SNTG1: variants seen among roughly 807,000 people sequenced by gnomAD.
SNTG1 encodes syntrophin gamma 1.
A neutral mutation model predicts 74.7 loss-of-function variants in SNTG1; 39 were observed. The observed-to-expected ratio is 0.52, with a 90% CI of 0.40 to 0.68. SNTG1 has a LOEUF of 0.68. Among genes scored for constraint, SNTG1 ranks in the 30% least tolerant of loss-of-function variants. The probability of loss-of-function intolerance (pLI) is 0.00; values close to 1 mark genes in which losing one functional copy is unlikely to be tolerated. For missense variants in SNTG1, 685 were observed against 609.5 expected, an observed-to-expected ratio of 1.12 and a Z score of -1.30; for synonymous variants, 254 against 217.1, an observed-to-expected ratio of 1.17 and a Z score of -1.49.
chr8:50,150,726 T>C (rs548207539), intron 1 of SNTG1, among the ~76,000 whole-genome samples: 49 of 151,768 alleles, frequency 3.2e-4, no homozygotes, highest in African/African-American at 1.1e-3. Context: ...AACCAGCCTG[T>C]ATGTTGAACC....
At chr8:50,613,778 A>G (rs1261136113) in intron 13 of SNTG1, among the ~76,000 whole-genome samples, 1 of 152,152 alleles carries the variant, frequency 6.6e-6, no homozygotes, top group Non-Finnish European at 1.5e-5. Flanking sequence ...ATTACATGTA[A>G]TAGAAAAATG....
chr8:50,458,174 C>A (rs2093525166), intron 8 of SNTG1: 2 of 144,250 alleles, frequency 1.4e-5, no homozygotes, highest in South Asian at 2.3e-4. Context: ...GAAAATCAAC[C>A]ACATCAAAGG....
intron 8 of SNTG1, among the ~76,000 whole-genome samples, chr8:50,465,078 A>G (rs947163472): frequency 1.3e-5 from 2 of 152,224 alleles, no homozygotes; most frequent in South Asian, 4.1e-4. Flanking sequence ...GTGTGCTTGT[A>G]TCTATTCATA....
At chr8:50,645,142 T>G (rs1185968716) in intron 13 of SNTG1, among the ~76,000 whole-genome samples, 1 of 4,128 alleles carries the variant, frequency 2.4e-4, no homozygotes, top group Non-Finnish European at 4.1e-4. Flanking sequence ...TATAGAAACA[T>G]GTTTATTTTA....
chr8:50,285,246 C>A (rs932000931), intron 2 of SNTG1, among the ~76,000 whole-genome samples: 2 of 152,128 alleles, frequency 1.3e-5, no homozygotes, highest in African/African-American at 4.8e-5. Context: ...GCAGCCAATC[C>A]TGTATCTGCC....
intron 1 of SNTG1, among the ~76,000 whole-genome samples, chr8:50,036,106 A>C (rs1585993249): frequency 6.6e-6 from 1 of 152,236 alleles, no homozygotes; most frequent in Non-Finnish European, 1.5e-5. Flanking sequence ...AAAATGTGCA[A>C]CTATAAGAAT....
chr8:50,685,973 T>C (rs2095350834), intron 15 of SNTG1, among the ~76,000 whole-genome samples: 1 of 152,180 alleles, frequency 6.6e-6, no homozygotes, highest in African/African-American at 2.4e-5. Context: ...TGTTCTTGGG[T>C]GCACGGGTAC....
At chr8:50,442,680 T>TAAA (rs5891365) in intron 5 of SNTG1, among the ~76,000 whole-genome samples, 4 of 81,196 alleles carry the variant, frequency 4.9e-5, no homozygotes, top group African/African-American at 1.5e-4. Flanking sequence ...TGTCTATCAG[T>TAAA]AAAAAAAAAA....
intron 2 of SNTG1, among the ~76,000 whole-genome samples, chr8:50,278,956 T>G (rs766697910): frequency 6.6e-6 from 1 of 152,142 alleles, no homozygotes; most frequent in Non-Finnish European, 1.5e-5. Flanking sequence ...CATTTTGATA[T>G]TGTCATTGTT....
chr8:49,977,174 T>C (rs1812269825), intron 1 of SNTG1, among the ~76,000 whole-genome samples: 1 of 151,906 alleles, frequency 6.6e-6, no homozygotes, highest in African/African-American at 2.4e-5. Flanking sequence ...GAATGACAAG[T>C]CCTCTCAGCA....
intron 1 of SNTG1, among the ~76,000 whole-genome samples, chr8:50,110,581 G>T (rs532109249): frequency 1.3e-5 from 2 of 152,174 alleles, no homozygotes; most frequent in Non-Finnish European, 2.9e-5. Context: ...AAGCCTGGAA[G>T]AGCAAGGGGC....
Position 50,792,691 on chromosome 8 carries a change from A to G in SNTG1, c.1416A>G (p.Leu472=), listed in dbSNP as rs762076374. ...IEAKELEFSN[L]FAVLHCIHSF... ...TTCAGGAGTTGGAATTTTCTAATTT[A>G]TTTGCTGTTCTTCACTGCATTCATT... The change falls in exon 19 of 19, where the codon TTA becomes TTG. Residue 472 remains leucine (L), a synonymous_variant. Coordinates refer to ENST00000642720, the MANE Select transcript of SNTG1 (RefSeq NM_018967.5). 6.2e-7 allele frequency: 1 copy of G among 1,609,600 alleles called. No individual in the cohort carries two copies. The highest frequency in any genetic ancestry group is 8.5e-7 in the Non-Finnish European group (1 of 1,177,574).
chr8:49,941,548 T>C (rs1808690466), intron 1 of SNTG1, among the ~76,000 whole-genome samples: 1 of 148,050 alleles, frequency 6.8e-6, no homozygotes, highest in Non-Finnish European at 1.5e-5. Flanking sequence ...TATATATATA[T>C]GCATATTTGA....
At chr8:50,164,092 C>CTTTTTTTTTTTTTTTTTTTT (rs3086088) in intron 1 of SNTG1, 7 of 71,984 alleles carry the variant, frequency 9.7e-5, no homozygotes, top group Admixed American at 1.7e-4. Flanking sequence ...GACACAATTT[C>CTTTTTTTTTTTTTTTTTTTT]TTTTTTTTTT....
intron 1 of SNTG1, among the ~76,000 whole-genome samples, chr8:49,962,818 C>A (rs989794972): frequency 2.6e-5 from 4 of 152,220 alleles, no homozygotes; most frequent in African/African-American, 9.6e-5. Flanking sequence ...GTCTTGAACT[C>A]TTGACCTCAA....
intron 1 of SNTG1, among the ~76,000 whole-genome samples, chr8:49,971,091 C>T (rs1365377176): frequency 6.6e-6 from 1 of 152,078 alleles, no homozygotes; most frequent in Non-Finnish European, 1.5e-5. Context: ...GACCAATATC[C>T]CTGATGAACA....
chr8:50,586,706 G>A (rs1450641351), intron 12 of SNTG1, among the ~76,000 whole-genome samples: 3 of 151,554 alleles, frequency 2.0e-5, no homozygotes, highest in African/African-American at 7.3e-5. Flanking sequence ...ATCCTTATAA[G>A]CCTTTAAAAT....
intron 2 of SNTG1, among the ~76,000 whole-genome samples, chr8:50,387,145 A>G (rs1183331495): frequency 6.6e-6 from 1 of 152,110 alleles, no homozygotes; most frequent in Non-Finnish European, 1.5e-5. Context: ...CTTGGCCCTG[A>G]TTTCCATTCT....
At chr8:50,565,187 G>C (rs1444999912) in intron 12 of SNTG1, among the ~76,000 whole-genome samples, 1 of 151,776 alleles carries the variant, frequency 6.6e-6, no homozygotes, top group Admixed American at 6.6e-5. Flanking sequence ...TCAAAAATAA[G>C]GAAAAATTAA....
Sources: gnomAD v4.1 joint callset for allele counts (sites outside exome capture counted in the v4.1 genomes callset) on GRCh38, gnomAD v4.1.1 for gene constraint, MANE v1.5 for transcripts, NCBI Gene and HGNC (gene_info 2026-07-23, HGNC 2026-07-21) for gene names.